MTAP: variants seen among roughly 807,000 people sequenced by gnomAD.
MTAP encodes the protein methylthioadenosine phosphorylase.
Under a neutral mutation model 33.6 loss-of-function variants are expected in MTAP, and 33 were observed. That is an observed-to-expected ratio of 0.98 (90% CI 0.74 to 1.31). The LOEUF (loss-of-function observed/expected upper bound fraction) is 1.31, where lower values mean the gene tolerates loss of function less well. MTAP is among the 40% of genes most tolerant of loss of function. MTAP has a pLI of 0.00. For missense variants in MTAP, 367 were observed against 360.0 expected (o/e 1.02, Z -0.16); for synonymous variants, 148 against 125.7 (o/e 1.18, Z -1.19).
intron 1 of MTAP, among the ~76,000 whole-genome samples, chr9:21,896,583 C>G (rs993215658): frequency 6.6e-6 from 1 of 152,068 alleles, no homozygotes; most frequent in Non-Finnish European, 1.5e-5. Context: ...GAAAAACAAA[C>G]TACCATCAGA....
At chr9:21,805,590 G>C (rs1256580125) in intron 1 of MTAP, among the ~76,000 whole-genome samples, 1 of 152,188 alleles carries the variant, frequency 6.6e-6, no homozygotes, top group Non-Finnish European at 1.5e-5. Context: ...CAATGTGATG[G>C]TATTAGAAGA....
At chr9:21,827,041 C>G (rs1587218855) in intron 4 of MTAP, among the ~76,000 whole-genome samples, 1 of 152,282 alleles carries the variant, frequency 6.6e-6, no homozygotes, top group East Asian at 1.9e-4. Context: ...CTCTGACCCT[C>G]TCTGTGGAAA....
At chr9:21,900,731 G>A (rs2794802) in intron 1 of MTAP, among the ~76,000 whole-genome samples, 127,933 of 152,204 alleles carry the variant, frequency 0.84, 54,220 homozygotes, top group East Asian at 0.97. Flanking sequence ...GTTCATCACA[G>A]CACTATTCAC....
At chr9:21,836,483 C>T (rs1825110133) in intron 4 of MTAP, among the ~76,000 whole-genome samples, 1 of 152,052 alleles carries the variant, frequency 6.6e-6, no homozygotes, top group African/African-American at 2.4e-5. Flanking sequence ...GGAGTATAGC[C>T]ACTGGAGGCT....
At position 21,854,105 on chromosome 9, in the gene MTAP, G is replaced by C. The variant is rs541253709; in HGVS notation, c.451-526G>C. Among the ~76,000 whole-genome samples the C allele has an allele frequency of 6.6e-5, 10 of 152,316 alleles. No homozygotes were observed. The East Asian group carries it at 1.3e-3, about 21-fold the overall frequency. The stretch of plus-strand genomic sequence containing the variant: ...CTCTGTGGAAAGGCAATAGGCAAAA[G>C]AGAAATCACTTTCTAACCAGCAAAA... On this transcript the variant is annotated intron_variant, in intron 5 of 7. Transcript: ENST00000644715.
At chr9:21,875,224 C>G (rs1335893279) in intron 1 of MTAP, among the ~76,000 whole-genome samples, 1 of 152,060 alleles carries the variant, frequency 6.6e-6, no homozygotes, top group Non-Finnish European at 1.5e-5. Flanking sequence ...AATGGTATTT[C>G]TAGTTCTAGA....
At chr9:21,826,608 G>GTTT (rs1373993930) in intron 4 of MTAP, among the ~76,000 whole-genome samples, 1 of 82,760 alleles carries the variant, frequency 1.2e-5, no homozygotes, top group Non-Finnish European at 2.3e-5. Context: ...CTGGGGTTTT[G>GTTT]TTTATTATTA....
At chr9:21,810,702 C>G (rs1199687299) in intron 1 of MTAP, among the ~76,000 whole-genome samples, 4 of 152,216 alleles carry the variant, frequency 2.6e-5, no homozygotes, top group Admixed American at 2.6e-4. Flanking sequence ...CTCATTTGAT[C>G]TGAATTACCT....
At chr9:21,893,926 T>TACACACACACACAC (rs57749079) in intron 1 of MTAP, 2 of 147,166 alleles carry the variant, frequency 1.4e-5, no homozygotes, top group South Asian at 2.2e-4. Flanking sequence ...ATCATTCTGA[T>TACACACACACACAC]ACACACACAC....
chr9:21,814,116 C>A (rs1824418931), intron 1 of MTAP, among the ~76,000 whole-genome samples: 1 of 152,150 alleles, frequency 6.6e-6, no homozygotes, highest in Non-Finnish European at 1.5e-5. Flanking sequence ...AATTATGTAA[C>A]CATGTCATGG....
chr9:21,851,597 G>A (rs1825513560), intron 5 of MTAP, among the ~76,000 whole-genome samples: 1 of 152,192 alleles, frequency 6.6e-6, no homozygotes, highest in Admixed American at 6.5e-5. Flanking sequence ...CTCAGGAGAT[G>A]TGTATGGATT....
Position 21,864,158 on chromosome 9 carries a change from CT to C in MTAP, c.*2148del. 3 of 985,428 alleles carry C rather than the reference CT, an allele frequency of 3.0e-6. No individual in the cohort carries two copies. Among genetic ancestry groups the C allele is most frequent in the Non-Finnish European group, 3.6e-6 (3 of 829,938 alleles). 61.0% of individuals were successfully genotyped at this position (985,428 alleles called of 1,614,324 possible). ...CAGTTCTCTCCAACTTGCAGAGGTA[CT>C]TTTCTTGATTAAATAGCCTTCTCTA... On this transcript the variant is annotated 3_prime_UTR_variant, in exon 8 of 8. Transcript: ENST00000644715.
chr9:21,900,895 C>G (rs1818380799), intron 1 of MTAP, among the ~76,000 whole-genome samples: 1 of 152,126 alleles, frequency 6.6e-6, no homozygotes, highest in Admixed American at 6.5e-5. Flanking sequence ...AGACTATTAT[C>G]CTAAGTAAAC....
chr9:21,807,931 G>T, intron 1 of MTAP, among the ~76,000 whole-genome samples: 1 of 152,220 alleles, frequency 6.6e-6, no homozygotes, highest in East Asian at 1.9e-4. Context: ...ATGTTTGTAT[G>T]CAGTGGATTC....
intron 1 of MTAP, 26 bp from the exon 2 acceptor site, chr9:21,815,407 A>AAAATTTTTTTTTTTTTTTTT: frequency 6.8e-7 from 1 of 1,462,280 alleles, no homozygotes; most frequent in East Asian, 2.3e-5. Context: ...AAATACAATA[A>AAAATTTTTTTTTTTTTTTTT]TCTTCTCTGT....
downstream of MTAP, among the ~76,000 whole-genome samples, chr9:21,871,562 T>G (rs1193392079): frequency 6.6e-6 from 1 of 152,254 alleles, no homozygotes; most frequent in East Asian, 1.9e-4. Flanking sequence ...CCCAGACTCT[T>G]CGGACATTAC....
intron 4 of MTAP, among the ~76,000 whole-genome samples, chr9:21,836,821 C>G (rs1446623686): frequency 6.6e-6 from 1 of 152,108 alleles, no homozygotes; most frequent in East Asian, 1.9e-4. Flanking sequence ...CCAGCTAATG[C>G]CACTGTTTAG....
At chr9:21,847,972 G>A (rs1563845201) in intron 5 of MTAP, among the ~76,000 whole-genome samples, 1 of 152,328 alleles carries the variant, frequency 6.6e-6, no homozygotes, top group East Asian at 1.9e-4. Flanking sequence ...GGACCCTGAT[G>A]AAGCTGGGGA....
intron 4 of MTAP, among the ~76,000 whole-genome samples, chr9:21,834,550 C>G (rs958314156): frequency 4.6e-5 from 7 of 152,200 alleles, no homozygotes; most frequent in African/African-American, 1.7e-4. Context: ...GAATCCCTTT[C>G]CCTGCCTTTG....
Sources: allele counts gnomAD v4.1 joint callset (sites outside exome capture counted in the v4.1 genomes callset), GRCh38; gene constraint gnomAD v4.1.1; transcripts MANE v1.5; gene names NCBI Gene and HGNC (gene_info 2026-07-23, HGNC 2026-07-21).